The following ACACA variants were observed in gnomAD, a reference collection of about 807,000 sequenced individuals.
ACACA encodes the protein acetyl-CoA carboxylase 1.
A neutral mutation model predicts 296.1 loss-of-function variants in ACACA; 103 were observed. The observed-to-expected ratio is 0.35, with a 90% CI of 0.30 to 0.41. The LOEUF (loss-of-function observed/expected upper bound fraction) is 0.41, where lower values mean the gene tolerates loss of function less well. ACACA is among the 10% of genes least tolerant of loss of function. ACACA has a pLI of 1.00. For synonymous variants in ACACA, 953 were observed against 1,038.6 expected (o/e 0.92, Z 1.58); for missense variants, 1,554 against 2,989.7 (o/e 0.52, Z 11.20).
intron 1 of ACACA, among the ~76,000 whole-genome samples, chr17:37,343,718 T>A (rs1010442258): frequency 6.6e-6 from 1 of 150,468 alleles, no homozygotes; most frequent in Non-Finnish European, 1.5e-5. Flanking sequence ...GAGCCAAGAT[T>A]GTACCATTGT....
At chr17:37,181,935 A>T (rs2144886544) in intron 39 of ACACA, among the ~76,000 whole-genome samples, 1 of 151,238 alleles carries the variant, frequency 6.6e-6, no homozygotes, top group African/African-American at 2.4e-5. Flanking sequence ...AAAAGGAAAT[A>T]AACAAGAAAG....
intron 1 of ACACA, chr17:37,366,884 T>C (rs2147649906): frequency 6.6e-6 from 1 of 152,216 alleles, no homozygotes; most frequent in Middle Eastern, 3.4e-3. Flanking sequence ...GGTCAGGAGT[T>C]TGTGACCAGC....
In ACACA at chr17:37,247,873, T is replaced by A. The variant is rs1339315026; in HGVS notation, c.2309+138A>T. 9.5e-6 allele frequency: 9 copies of A among 945,084 alleles called. No homozygotes were observed. In the East Asian group the frequency reaches 2.3e-4, roughly 25 times the overall value. 58.5% of individuals were successfully genotyped at this position (945,084 alleles called of 1,614,324 possible). ...ACTTTAATACTCTTGATATTTTTGTTAAGTGCATGTACTATTTTTTTTTTT... is the reference window on the plus strand; with the variant it reads ...ACTTTAATACTCTTGATATTTTTGTAAAGTGCATGTACTATTTTTTTTTTT... On this transcript the variant is annotated intron_variant, in intron 18 of 55. Coordinates refer to ENST00000616317, the MANE Select transcript of ACACA (RefSeq NM_198834.3).
In ACACA at chr17:37,210,214, T is replaced by A. The variant is rs1199857334; in HGVS notation, c.3707+253A>T. Among the ~76,000 whole-genome samples, 3 of 152,272 alleles carry A rather than the reference T, an allele frequency of 2.0e-5. No homozygotes were observed. The East Asian group carries it at 5.8e-4, about 29-fold the overall frequency. On this transcript the variant is annotated intron_variant, in intron 30 of 55. Transcript: ENST00000616317. ...CCGGACATAAGGCAGATAAACCCCCTATCATACACAGCTAGATGGGAGCTT... is the reference window on the plus strand; with the variant it reads ...CCGGACATAAGGCAGATAAACCCCCAATCATACACAGCTAGATGGGAGCTT...
At chr17:37,217,837 T>C in intron 29 of ACACA, among the ~76,000 whole-genome samples, 1 of 151,102 alleles carries the variant, frequency 6.6e-6, no homozygotes, top group Non-Finnish European at 1.5e-5. Context: ...TCCCAGCTAC[T>C]TGAGAGGCTG....
rs780238364 is a variant in ACACA at position 37,245,069 on chromosome 17, T to C, written c.2595+11A>G. ...CTTAGAGAGCAATATTCGGAGCACC[T>C]TCCTACTCACCTGCTGAACCTTGCT... On this transcript the variant is annotated intron_variant, in intron 20 of 55. Coordinates refer to ENST00000616317, the MANE Select transcript of ACACA (RefSeq NM_198834.3). The C allele has an allele frequency of 1.1e-5, 17 of 1,614,042 alleles. No homozygotes were observed. In the African/African-American group the frequency reaches 1.9e-4, roughly 18 times the overall value.
intron 3 of ACACA, among the ~76,000 whole-genome samples, chr17:37,303,790 G>A (rs531768500): frequency 4.6e-5 from 7 of 152,308 alleles, no homozygotes; most frequent in Admixed American, 1.3e-4. Flanking sequence ...CCCAGGAGGC[G>A]GAGGTTGCAG....
chr17:37,254,229 A>C (rs924507090), intron 14 of ACACA, among the ~76,000 whole-genome samples: 2 of 152,222 alleles, frequency 1.3e-5, no homozygotes, highest in Non-Finnish European at 2.9e-5. Context: ...GGTTGTAAGA[A>C]GGGAGAAATT....
Position 37,259,370 on chromosome 17 carries a change from G to A in ACACA, c.1490C>T (p.Ala497Val). The change falls in exon 12 of 56, where the codon GCA (alanine) becomes GTA (valine). Residue 497 changes from alanine (A) to valine (V), a missense_variant. This residue lies in a region of ACACA where 3 missense variants were observed against 29.1 expected (regional missense o/e 0.10). Coordinates refer to ENST00000616317, the MANE Select transcript of ACACA (RefSeq NM_198834.3). ...EMVADVNLPA[A>V]QLQIAMGIPL... is the part of the protein sequence containing the mutation. ...ATCAGGGAGACTCACCTGGAGCTGT[G>A]CTGCAGGGAGATTGACATCAGCCAC... 1 of 1,614,136 alleles carries A rather than the reference G, an allele frequency of 6.2e-7. No individual in the cohort carries two copies. The highest frequency in any genetic ancestry group is 8.5e-7 in the Non-Finnish European group (1 of 1,180,026).
At chr17:37,130,885 A>T (rs2075060956) in intron 45 of ACACA, among the ~76,000 whole-genome samples, 1 of 151,406 alleles carries the variant, frequency 6.6e-6, no homozygotes, top group Non-Finnish European at 1.5e-5. Flanking sequence ...AAAAAGGATT[A>T]TTTTTTTCCT....
intron 41 of ACACA, among the ~76,000 whole-genome samples, chr17:37,168,539 AG>A (rs746702877): frequency 6.6e-6 from 1 of 151,808 alleles, no homozygotes; most frequent in Admixed American, 6.6e-5. Flanking sequence ...AAAAAATTTA[AG>A]GGGGGAAAAA....
At chr17:37,167,531 C>T (rs2076725805) in intron 41 of ACACA, among the ~76,000 whole-genome samples, 1 of 151,258 alleles carries the variant, frequency 6.6e-6, no homozygotes, top group Admixed American at 6.6e-5. Context: ...GTTGGCCAGG[C>T]TGGTCTCGAA....
intron 52 of ACACA, among the ~76,000 whole-genome samples, chr17:37,102,029 A>G (rs890357400): frequency 1.3e-5 from 2 of 151,954 alleles, no homozygotes; most frequent in Non-Finnish European, 2.9e-5. Flanking sequence ...TCAGCTGTTA[A>G]CACTGCTGCC....
chr17:37,325,730 G>A (rs1048692837), intron 3 of ACACA, among the ~76,000 whole-genome samples: 12 of 151,632 alleles, frequency 7.9e-5, no homozygotes, highest in Middle Eastern at 3.4e-3. Flanking sequence ...ATGTGCCATC[G>A]TGCTCGGCTA....
rs1187369451 is a variant in ACACA at position 37,359,113 on chromosome 17, G to A, written c.39-19263C>T. 3.0e-6 allele frequency: 3 copies of A among 985,426 alleles called. No homozygotes were observed. In the East Asian group the frequency reaches 3.4e-4, roughly 112 times the overall value. 61.0% of individuals were successfully genotyped at this position (985,426 alleles called of 1,614,324 possible). ...ATGGCTGACAGGCGTGCAGCACCAGGCCGGCCCGGCACACGGAGAAGGGGC... is the reference window on the plus strand; with the variant it reads ...ATGGCTGACAGGCGTGCAGCACCAGACCGGCCCGGCACACGGAGAAGGGGC... On this transcript the variant is annotated intron_variant, in intron 1 of 55. Coordinates refer to ENST00000616317, the MANE Select transcript of ACACA (RefSeq NM_198834.3).
rs965997140 is a variant in ACACA at position 37,251,313 on chromosome 17, T to C, written c.2081+692A>G. Among the ~76,000 whole-genome samples, 16 of 152,194 alleles carry C rather than the reference T, an allele frequency of 1.1e-4. No individual in the cohort carries two copies. In the East Asian group the frequency reaches 2.7e-3, roughly 26 times the overall value. ...AAGGTTTTACTACATGAGAGTAACA[T>C]AGTGAAAGATACTTATCATAGGACT... On this transcript the variant is annotated intron_variant, in intron 16 of 55. Transcript: ENST00000616317.
At chr17:37,157,318 A>G (rs1285168085) in intron 42 of ACACA, among the ~76,000 whole-genome samples, 1 of 152,180 alleles carries the variant, frequency 6.6e-6, no homozygotes, top group Non-Finnish European at 1.5e-5. Flanking sequence ...GGTTTAAGAA[A>G]GCAGAGTCGG....
chr17:37,207,569 AC>A (rs1330914835), intron 31 of ACACA, 87 bp downstream of exon 31: 1 of 1,505,384 alleles, frequency 6.6e-7, no homozygotes, highest in African/African-American at 1.4e-5. Context: ...TATTCGGGAG[AC>A]CTTTATTCAT....
At chr17:37,087,478 C>CAGA (rs768624754) in intron 55 of ACACA, 39 bp from the exon 56 acceptor site, 1 of 1,613,516 alleles carries the variant, frequency 6.2e-7, no homozygotes, top group Non-Finnish European at 8.5e-7. Flanking sequence ...AAAAGAGAAG[C>CAGA]AGAAGTGTCT....
Sources: allele counts gnomAD v4.1 joint callset (sites outside exome capture counted in the v4.1 genomes callset), GRCh38; gene constraint gnomAD v4.1.1; regional missense constraint gnomAD v4.1.1; transcripts MANE v1.5; gene names NCBI Gene and HGNC (gene_info 2026-07-23, HGNC 2026-07-21).